The following MAPK10 variants were observed in gnomAD, a reference collection of about 807,000 sequenced individuals.
MAPK10 encodes JNK3 alpha protein kinase.
Under a neutral mutation model 59.3 loss-of-function variants are expected in MAPK10, and 25 were observed. The ratio of observed to expected loss-of-function variants is 0.42; its 90% CI spans 0.31 to 0.59. MAPK10 has a LOEUF of 0.59. MAPK10 is among the 20% of genes least tolerant of loss of function. The probability of loss-of-function intolerance (pLI) is 0.15; values close to 1 mark genes in which losing one functional copy is unlikely to be tolerated. For synonymous variants in MAPK10, 190 were observed against 200.5 expected, an observed-to-expected ratio of 0.95 and a Z score of 0.44; for missense variants, 351 against 568.9, an observed-to-expected ratio of 0.62 and a Z score of 3.90.
intron 2 of MAPK10, among the ~76,000 whole-genome samples, chr4:86,344,388 A>G (rs916085251): frequency 1.3e-5 from 2 of 152,200 alleles, no homozygotes; most frequent in Non-Finnish European, 2.9e-5. Context: ...AAGAGCTGGG[A>G]TTACAAGTGT....
At chr4:86,507,657 T>TAC (rs1406108928) in intron 1 of MAPK10, among the ~76,000 whole-genome samples, 1 of 100,370 alleles carries the variant, frequency 1.0e-5, no homozygotes, top group East Asian at 2.9e-4. Flanking sequence ...TATATATATA[T>TAC]ATATATATAT....
At chr4:86,398,590 T>C (rs564562076) in intron 1 of MAPK10, among the ~76,000 whole-genome samples, 1 of 152,246 alleles carries the variant, frequency 6.6e-6, no homozygotes, top group South Asian at 2.1e-4. Context: ...TAATGTACCT[T>C]GTTATTTTTC....
At chr4:86,098,816 T>G in intron 8 of MAPK10, 1 of 454,270 alleles carries the variant, frequency 2.2e-6, no homozygotes, top group Non-Finnish European at 4.0e-6. Flanking sequence ...ACCCATTACT[T>G]TGTGGGTGCC....
chr4:86,584,127 A>T (rs1352691301), intron 1 of MAPK10, among the ~76,000 whole-genome samples: 1 of 152,096 alleles, frequency 6.6e-6, no homozygotes, highest in African/African-American at 2.4e-5. Flanking sequence ...GATATAGTGA[A>T]CCCAACTGGT....
At chr4:86,440,880 T>C (rs1749334371) in intron 1 of MAPK10, among the ~76,000 whole-genome samples, 1 of 152,168 alleles carries the variant, frequency 6.6e-6, no homozygotes, top group African/African-American at 2.4e-5. Context: ...GTAACAAATA[T>C]AATAATTGAT....
intron 4 of MAPK10, among the ~76,000 whole-genome samples, chr4:86,141,117 G>C (rs1202866505): frequency 6.6e-6 from 1 of 152,154 alleles, no homozygotes; most frequent in African/African-American, 2.4e-5. Flanking sequence ...CAGCTTATTT[G>C]TGACTTAGGT....
At position 86,215,207 on chromosome 4, in the gene MAPK10, C is replaced by T. The variant is rs150650660; in HGVS notation, c.-6-20800G>A. Among the ~76,000 whole-genome samples the T allele has an allele frequency of 1.3e-3, 193 of 152,314 alleles. 2 individuals carry two copies. Among genetic ancestry groups the T allele is most frequent in the Middle Eastern group, 6.8e-3 (2 of 294 alleles). ...CAGTACTGGGAAAACTGTATATTCA[C>T]ATGCAAACAAATGAAGTTGGACCTT... On this transcript the variant is annotated intron_variant, in intron 2 of 13. Transcript: ENST00000641462.
intron 4 of MAPK10, among the ~76,000 whole-genome samples, chr4:86,116,585 GA>G (rs2058326371): frequency 6.6e-6 from 1 of 152,194 alleles, no homozygotes; most frequent in Non-Finnish European, 1.5e-5. Flanking sequence ...TGGAATAACT[GA>G]GAAAATCCCA....
chr4:86,166,879 G>A lies in MAPK10; in HGVS notation c.67-7412C>T, dbSNP rs77762113. Among the ~76,000 whole-genome samples, 1,236 of 152,026 alleles carry A rather than the reference G, an allele frequency of 8.1e-3. 15 individuals carry two copies. Among genetic ancestry groups the A allele is most frequent in the African/African-American group, 0.028 (1,168 of 41,450 alleles). ...AAAACAAGAAATAACCAAGATCAGA[G>A]CAGAATAGAAAAACATAGAGACACA... On this transcript the variant is annotated intron_variant, in intron 3 of 13. Transcript: ENST00000641462.
At chr4:86,233,488 T>A (rs76948368) in intron 2 of MAPK10, among the ~76,000 whole-genome samples, 12,872 of 152,066 alleles carry the variant, frequency 0.085, 1,187 homozygotes, top group African/African-American at 0.23. Flanking sequence ...GGCATTAACC[T>A]CCCTCCCCCA....
intron 4 of MAPK10, among the ~76,000 whole-genome samples, chr4:86,145,164 A>G (rs1191558529): frequency 6.6e-6 from 1 of 152,014 alleles, no homozygotes; most frequent in Admixed American, 6.6e-5. Flanking sequence ...GCTTTTTCCT[A>G]TGTAGCACAA....
chr4:86,284,887 G>A (rs191410449), intron 2 of MAPK10, among the ~76,000 whole-genome samples: 2 of 152,272 alleles, frequency 1.3e-5, no homozygotes, highest in East Asian at 3.9e-4. Flanking sequence ...ATTCTGTCAA[G>A]GGCTTGGAGT....
chr4:86,360,222 A>T, upstream of MAPK10: 1 of 985,820 alleles, frequency 1.0e-6, no homozygotes, highest in Non-Finnish European at 1.2e-6. Flanking sequence ...TTTCCGGTGA[A>T]ATGAGGACCA....
rs1303043902 is a variant in MAPK10, at chr4:86,179,056, G to T, written c.66+15280C>A. On this transcript the variant is annotated intron_variant, in intron 3 of 13. Transcript: ENST00000641462. ...TCTCTACTAAAAATACAAAGAATTA[G>T]CCAGGCATGGTGGTCAGCACCTGTA... 2.6e-5 allele frequency among the ~76,000 whole-genome samples: 4 copies of T among 151,964 alleles called. No individual in the cohort carries two copies. The East Asian group carries it at 7.7e-4, about 29-fold the overall frequency.
chr4:86,496,260 G>A lies in MAPK10; in HGVS notation c.-263+97650C>T, dbSNP rs1486451958. Among the ~76,000 whole-genome samples the A allele has an allele frequency of 2.6e-5, 4 of 152,068 alleles. No homozygotes were observed. The South Asian group carries it at 6.2e-4, about 24-fold the overall frequency. ...GATTCAGAGACGAGCTTTGTGCCCC[G>A]GGTTTTGGTTCAGTTTGCCTCAGCT... On this transcript the variant is annotated intron_variant, in intron 1 of 4. Transcript: ENST00000502302.
At chr4:86,305,610 G>T (rs1214512916) in intron 2 of MAPK10, among the ~76,000 whole-genome samples, 1 of 152,110 alleles carries the variant, frequency 6.6e-6, no homozygotes, top group Non-Finnish European at 1.5e-5. Context: ...CCTGAGGTCA[G>T]GAGTTCAAGA....
At chr4:86,300,520 A>G (rs2095449007) in intron 2 of MAPK10, 1 of 152,234 alleles carries the variant, frequency 6.6e-6, no homozygotes, top group African/African-American at 2.4e-5. Context: ...AAGACTGTCA[A>G]GTCACATTTG....
intron 9 of MAPK10, among the ~76,000 whole-genome samples, chr4:86,075,040 C>A (rs200322295): frequency 1.4e-5 from 2 of 143,980 alleles, no homozygotes; most frequent in East Asian, 2.0e-4. Flanking sequence ...CCAATCAGAC[C>A]TAGATTTGGT....
At chr4:86,282,572 A>G (rs1296773780) in intron 2 of MAPK10, among the ~76,000 whole-genome samples, 1 of 152,228 alleles carries the variant, frequency 6.6e-6, no homozygotes, top group Non-Finnish European at 1.5e-5. Context: ...AGGTAAATAC[A>G]GATTTTGGAG....
Sources: gnomAD v4.1 joint callset for allele counts (sites outside exome capture counted in the v4.1 genomes callset) on GRCh38, gnomAD v4.1.1 for gene constraint, MANE v1.5 for transcripts, NCBI Gene and HGNC (gene_info 2026-07-23, HGNC 2026-07-21) for gene names.